PTPRD: variants seen among roughly 807,000 people sequenced by gnomAD.
PTPRD encodes the protein receptor-type tyrosine-protein phosphatase delta.
In PTPRD, 34 loss-of-function variants were observed where a neutral mutation model predicts 214.5. The observed-to-expected ratio is 0.16, with a 90% confidence interval of 0.12 to 0.21. The LOEUF (loss-of-function observed/expected upper bound fraction) is 0.21. Ranked by LOEUF, PTPRD falls within the 10% of genes least tolerant of loss-of-function variation. The pLI, the probability that PTPRD is intolerant of heterozygous loss-of-function variation, is 1.00. For synonymous variants in PTPRD, 1,128 were observed against 845.7 expected, an observed-to-expected ratio of 1.33 and a Z score of -5.79; for missense variants, 2,545 against 2,398.7, an observed-to-expected ratio of 1.06 and a Z score of -1.27.
At chr9:8,834,019 A>G (rs1481086070) in intron 11 of PTPRD, among the ~76,000 whole-genome samples, 1 of 151,418 alleles carries the variant, frequency 6.6e-6, no homozygotes, top group African/African-American at 2.4e-5. Flanking sequence ...TTCTCACATA[A>G]TTACACAAAC....
At chr9:8,667,988 T>A (rs896095398) in intron 12 of PTPRD, among the ~76,000 whole-genome samples, 121 of 152,172 alleles carry the variant, frequency 8.0e-4, no homozygotes, top group African/African-American at 2.6e-3. Flanking sequence ...AGAAATAAAA[T>A]ATACAGATCA....
intron 11 of PTPRD, among the ~76,000 whole-genome samples, chr9:8,794,017 C>G (rs918962324): frequency 5.3e-5 from 8 of 152,166 alleles, no homozygotes; most frequent in Admixed American, 4.6e-4. Context: ...TACTAGGAAA[C>G]TAAAGAAACG....
chr9:9,611,006 C>G (rs2094483502), intron 7 of PTPRD, among the ~76,000 whole-genome samples: 1 of 152,154 alleles, frequency 6.6e-6, no homozygotes, highest in African/African-American at 2.4e-5. Context: ...TATGTAATTT[C>G]AAAATTAGTC....
Position 8,375,959 on chromosome 9 carries a change from A to G in PTPRD, c.4638T>C (p.Ala1546=), listed in dbSNP as rs1455832820. The G allele has an allele frequency of 6.2e-7, 1 of 1,612,676 alleles. No homozygotes were observed. ...ACCTGCAGTGCACAACCATCGGACC[A>G]GCATCGGGAGGGTTACAGGTTTTGA... ...RRVKTCNPPD[A]GPMVVHCSAG... is the part of the protein sequence containing the mutation. The change falls in exon 39 of 46, where the codon GCT becomes GCC. Residue 1546 remains alanine (A), a synonymous_variant. Transcript: ENST00000381196.
chr9:9,722,953 T>C (rs2097991494), intron 7 of PTPRD, among the ~76,000 whole-genome samples: 1 of 152,096 alleles, frequency 6.6e-6, no homozygotes, highest in South Asian at 2.1e-4. Flanking sequence ...TTATTGGATA[T>C]ATGATTTCAC....
At chr9:9,699,765 C>G (rs1336804332) in intron 7 of PTPRD, among the ~76,000 whole-genome samples, 1 of 152,140 alleles carries the variant, frequency 6.6e-6, no homozygotes, top group African/African-American at 2.4e-5. Context: ...CTAATTAGAA[C>G]TGGAAGCAAG....
intron 2 of PTPRD, among the ~76,000 whole-genome samples, chr9:10,520,413 T>C (rs2051774768): frequency 6.6e-6 from 1 of 151,894 alleles, no homozygotes; most frequent in African/African-American, 2.4e-5. Context: ...CTAGCAGAGG[T>C]TGGTTCATGA....
intron 3 of PTPRD, among the ~76,000 whole-genome samples, chr9:10,283,564 C>T (rs539335883): frequency 2.7e-4 from 41 of 152,178 alleles, no homozygotes; most frequent in African/African-American, 9.9e-4. Context: ...ATTTCTTCTG[C>T]GAATTAGTTT....
At chr9:8,961,730 C>T (rs1193055154) in intron 11 of PTPRD, among the ~76,000 whole-genome samples, 4 of 152,052 alleles carry the variant, frequency 2.6e-5, no homozygotes, top group Non-Finnish European at 5.9e-5. Flanking sequence ...AGAAGCCCAA[C>T]TGTTACTATA....
Position 9,464,124 on chromosome 9 carries a change from C to T in PTPRD, c.-236-66642G>A, listed in dbSNP as rs1199987328. On this transcript the variant is annotated intron_variant, in intron 8 of 45. Transcript: ENST00000381196. Reference sequence around the variant, plus strand: ...CTGATCTCACTTCTCGGCTGCAGCACTTTAATAAAGCCTCCATTCCAGGAA... The same window carrying T: ...CTGATCTCACTTCTCGGCTGCAGCATTTTAATAAAGCCTCCATTCCAGGAA... 7.2e-5 allele frequency among the ~76,000 whole-genome samples: 11 copies of T among 152,294 alleles called. No homozygotes were observed. The South Asian group carries it at 1.0e-3, about 14-fold the overall frequency.
intron 11 of PTPRD, among the ~76,000 whole-genome samples, chr9:8,745,721 T>A (rs575564020): frequency 6.7e-4 from 102 of 152,326 alleles, no homozygotes; most frequent in Non-Finnish European, 1.0e-3. Flanking sequence ...TGCAGACACA[T>A]GTTTATACCA....
intron 14 of PTPRD, among the ~76,000 whole-genome samples, chr9:8,581,533 GGTCA>G (rs1408176447): frequency 6.7e-6 from 1 of 148,204 alleles, no homozygotes; most frequent in Non-Finnish European, 1.5e-5. Context: ...CGGATCACGA[GGTCA>G]GGATATTGAG....
chr9:8,786,392 G>C (rs2095969223), intron 11 of PTPRD, among the ~76,000 whole-genome samples: 1 of 137,362 alleles, frequency 7.3e-6, no homozygotes, highest in South Asian at 2.5e-4. Flanking sequence ...AAAAGGAAAA[G>C]TTTGGAGTTC....
chr9:8,595,138 C>A (rs962058636), intron 14 of PTPRD, among the ~76,000 whole-genome samples: 2 of 150,394 alleles, frequency 1.3e-5, no homozygotes, highest in Admixed American at 6.6e-5. Flanking sequence ...GCTGGGATTA[C>A]AGGTGTGAGC....
chr9:10,090,609 A>G (rs1394815169), intron 3 of PTPRD, among the ~76,000 whole-genome samples: 1 of 124,802 alleles, frequency 8.0e-6, no homozygotes, highest in East Asian at 2.5e-4. Context: ...TTGCAGCCCA[A>G]AAGATTAAAG....
At chr9:9,865,148 G>T (rs1241992173) in intron 5 of PTPRD, among the ~76,000 whole-genome samples, 1 of 152,074 alleles carries the variant, frequency 6.6e-6, no homozygotes, top group Non-Finnish European at 1.5e-5. Context: ...TATGCATTGG[G>T]ATGAATGACA....
intron 14 of PTPRD, among the ~76,000 whole-genome samples, chr9:8,565,189 G>T (rs1016780342): frequency 7.9e-5 from 12 of 152,170 alleles, no homozygotes; most frequent in African/African-American, 2.9e-4. Context: ...ACAGGAACAG[G>T]GAGGAAGTGT....
At chr9:8,672,499 A>G (rs2097306668) in intron 12 of PTPRD, among the ~76,000 whole-genome samples, 1 of 152,176 alleles carries the variant, frequency 6.6e-6, no homozygotes, top group South Asian at 2.1e-4. Flanking sequence ...AGATATTAAT[A>G]GTGACATGCT....
At chr9:10,336,733 C>A (rs1185719458) in intron 3 of PTPRD, among the ~76,000 whole-genome samples, 1 of 151,354 alleles carries the variant, frequency 6.6e-6, no homozygotes, top group Non-Finnish European at 1.5e-5. Context: ...TAACAATCGG[C>A]AGAAACTATA....
Sources: allele counts gnomAD v4.1 joint callset (sites outside exome capture counted in the v4.1 genomes callset), GRCh38; gene constraint gnomAD v4.1.1; transcripts MANE v1.5; gene names NCBI Gene and HGNC (gene_info 2026-07-23, HGNC 2026-07-21).